The following PHF8 variants were observed in gnomAD, a reference collection of about 807,000 sequenced individuals.
The protein encoded by PHF8 is histone lysine demethylase PHF8.
Under a neutral mutation model 74.4 loss-of-function variants are expected in PHF8, and 9 were observed. The ratio of observed to expected loss-of-function variants is 0.12; its 90% CI spans 0.07 to 0.21. PHF8 has a LOEUF of 0.21. Among genes scored for constraint, PHF8 ranks in the 10% least tolerant of loss-of-function variants. The pLI is 1.00. For missense variants in PHF8, 478 were observed against 816.6 expected (o/e 0.59, Z 5.05); for synonymous variants, 311 against 316.6 (o/e 0.98, Z 0.19).
chrX:54,032,729 C>T (rs2066383273), intron 2 of PHF8, among the ~76,000 whole-genome samples: 1 of 104,476 alleles, frequency 9.6e-6, no homozygotes. Flanking sequence ...GTGTCCAGAA[C>T]AATGCCTGGC....
At chrX:54,023,979 C>T (rs1345551004) in intron 2 of PHF8, among the ~76,000 whole-genome samples, 1 of 111,156 alleles carries the variant, frequency 9.0e-6, no homozygotes, top group Non-Finnish European at 1.9e-5. Flanking sequence ...GGGATTAGGA[C>T]TTCCCAACTA....
intron 15 of PHF8, 131 bp from the exon 16 acceptor site, chrX:53,987,294 A>C (rs1301952575): frequency 8.2e-6 from 4 of 485,185 alleles, no homozygotes; most frequent in Non-Finnish European, 1.5e-5. Flanking sequence ...GTTAGGGATC[A>C]GGTGATAAAT....
intron 19 of PHF8, among the ~76,000 whole-genome samples, chrX:53,958,726 A>G (rs1278735724): frequency 2.1e-5 from 2 of 96,137 alleles, no homozygotes; most frequent in Non-Finnish European, 4.1e-5. Flanking sequence ...CAGTGAGCAG[A>G]GATCGCGCCA....
intron 19 of PHF8, among the ~76,000 whole-genome samples, chrX:53,953,896 G>A (rs187192214): frequency 1.7e-4 from 19 of 110,972 alleles, no homozygotes; most frequent in African/African-American, 6.2e-4. Context: ...GACACAGGTC[G>A]AAAATAAATG....
Position 53,940,412 on chromosome X carries a change from T to C in PHF8, c.2754A>G (p.Pro918=). The change falls in exon 21 of 22, where the codon CCA becomes CCG. Residue 918 remains proline, a synonymous_variant. Transcript: ENST00000338154. The part of the protein sequence containing the change: ...PQDSNLSLTV[P]APTVAATPQL... ...GTGGTGTGGCAGCCACAGTGGGGGC[T>C]GGTACTGTCAGACTGAGATTGGAGT... 1 of 1,207,935 alleles carries C rather than the reference T, an allele frequency of 8.3e-7. No individual in the cohort carries two copies. Among genetic ancestry groups the C allele is most frequent in the Non-Finnish European group, 1.1e-6 (1 of 892,267 alleles).
Position 53,940,001 on chromosome X carries a change from C to T in PHF8, c.2986+179G>A, listed in dbSNP as rs193191622. Among the ~76,000 whole-genome samples, 16 of 111,105 alleles carry T rather than the reference C, an allele frequency of 1.4e-4. No individual in the cohort carries two copies. In the East Asian group the frequency reaches 4.2e-3, roughly 29 times the overall value. ...CCAGAAGGATCTTTCAAAACTAAAACCTGATCTTGTCTGTACTTCAAATCA... is the reference window on the plus strand; with the variant it reads ...CCAGAAGGATCTTTCAAAACTAAAATCTGATCTTGTCTGTACTTCAAATCA... On this transcript the variant is annotated intron_variant, in intron 21 of 21. Coordinates refer to ENST00000338154, the MANE Select transcript of PHF8 (RefSeq NM_015107.3).
intron 2 of PHF8, among the ~76,000 whole-genome samples, 199 bp from the exon 3 acceptor site, chrX:54,023,042 C>G (rs1252624849): frequency 1.8e-5 from 2 of 112,224 alleles, no homozygotes; most frequent in African/African-American, 6.5e-5. Context: ...GTGGTGTGAT[C>G]ATGGCTCACT....
chrX:53,965,779 C>G (rs1327950071), intron 18 of PHF8, among the ~76,000 whole-genome samples: 2 of 111,430 alleles, frequency 1.8e-5, no homozygotes, highest in East Asian at 5.6e-4. Flanking sequence ...TAACAAGCAA[C>G]AAAAGCAAAC....
At chrX:53,958,044 T>TA (rs1491562187) in intron 19 of PHF8, among the ~76,000 whole-genome samples, 1 of 59,113 alleles carries the variant, frequency 1.7e-5, no homozygotes, top group Non-Finnish European at 2.6e-5. Flanking sequence ...TCAAGAACTA[T>TA]TTTTTTTTTT....
intron 4 of PHF8, among the ~76,000 whole-genome samples, chrX:54,020,298 A>G (rs782588881): frequency 8.9e-6 from 1 of 112,729 alleles, no homozygotes; most frequent in Non-Finnish European, 1.9e-5. Context: ...TGGTATAGCC[A>G]CTATGGATGT....
chrX:53,979,552 GAA>G (rs1557097355), intron 18 of PHF8, among the ~76,000 whole-genome samples: 1 of 111,237 alleles, frequency 9.0e-6, no homozygotes, highest in Non-Finnish European at 1.9e-5. Flanking sequence ...ACTAGTTTTT[GAA>G]AAGACTAGCA....
At chrX:53,945,276 C>T (rs1335231107) in intron 19 of PHF8, among the ~76,000 whole-genome samples, 14 of 106,171 alleles carry the variant, frequency 1.3e-4, no homozygotes, top group Non-Finnish European at 2.1e-4. Context: ...ACCTGGGAGG[C>T]GGAGCTTGCA....
intron 18 of PHF8, among the ~76,000 whole-genome samples, chrX:53,981,863 T>C (rs2065484475): frequency 8.9e-6 from 1 of 111,942 alleles, no homozygotes; most frequent in Non-Finnish European, 1.9e-5. Flanking sequence ...AATGCGCAAA[T>C]CCCAGTATAG....
At chrX:53,988,262 C>T (rs935390200) in intron 14 of PHF8, among the ~76,000 whole-genome samples, 2 of 111,577 alleles carry the variant, frequency 1.8e-5, no homozygotes, top group African/African-American at 6.5e-5. Context: ...CGAATAAACC[C>T]GTACAGTTAT....
chrX:53,986,991 C>T (rs2065576509), intron 16 of PHF8, 87 bp downstream of exon 16: 1 of 571,495 alleles, frequency 1.7e-6, no homozygotes, highest in Non-Finnish European at 3.1e-6. Context: ...GTCTTCCTCC[C>T]TGCATATCCC....
chrX:53,942,828 T>C (rs1557083924), intron 20 of PHF8: 3 of 743,853 alleles, frequency 4.0e-6, no homozygotes. Flanking sequence ...GACAATCTGA[T>C]ATACTCACTG....
intron 18 of PHF8, among the ~76,000 whole-genome samples, chrX:53,977,742 G>A (rs2065404318): frequency 9.3e-6 from 1 of 107,627 alleles, no homozygotes; most frequent in Non-Finnish European, 1.9e-5. Context: ...CGACTCCTGG[G>A]TTCACGCCAT....
rs184308245 is a variant in PHF8 at position 54,009,573 on chromosome X, G to A, written c.946+1549C>T. On this transcript the variant is annotated intron_variant, in intron 8 of 21. Transcript: ENST00000338154. ...ATAAAACCAAAAGTGGGCCGGGTGC[G>A]GTGGCTCACCCCTGTAATCCCAGCA... Among the ~76,000 whole-genome samples, 16 of 109,098 alleles carry A rather than the reference G, an allele frequency of 1.5e-4. No homozygotes were observed. In the East Asian group the frequency reaches 2.9e-3, roughly 20 times the overall value. The allele number at this position is 109,098 out of a possible 115,157, so 94.7% of individuals were successfully genotyped here. A position where few individuals can be genotyped will look rare whatever the true frequency, so the allele number is the denominator to read the frequency against.
At chrX:53,990,517 C>CT (rs1292437884) in intron 14 of PHF8, among the ~76,000 whole-genome samples, 1 of 111,396 alleles carries the variant, frequency 9.0e-6, no homozygotes, top group Non-Finnish European at 1.9e-5. Flanking sequence ...GAATTTTCTC[C>CT]TGTCCAGGAG....
Sources: gnomAD v4.1 joint callset for allele counts (sites outside exome capture counted in the v4.1 genomes callset) on GRCh38, gnomAD v4.1.1 for gene constraint, MANE v1.5 for transcripts, NCBI Gene and HGNC (gene_info 2026-07-23, HGNC 2026-07-21) for gene names.